FHAD1: variants seen among roughly 807,000 people sequenced by gnomAD.
FHAD1 encodes forkhead associated phosphopeptide binding domain 1, also known as forkhead-associated domain-containing protein 1.
Under a neutral mutation model 191.3 loss-of-function variants are expected in FHAD1, and 146 were observed. The observed-to-expected ratio is 0.76, with a 90% CI of 0.67 to 0.88. The LOEUF (loss-of-function observed/expected upper bound fraction) is 0.88, where lower values mean the gene tolerates loss of function less well. Among genes scored for constraint, FHAD1 ranks in the 40% least tolerant of loss-of-function variants. FHAD1 has a pLI of 0.00. For missense variants in FHAD1, 1,635 were observed against 1,785.8 expected, an observed-to-expected ratio of 0.92 and a Z score of 1.52; for synonymous variants, 616 against 672.3, an observed-to-expected ratio of 0.92 and a Z score of 1.29.
At chr1:15,353,704 C>CAAAAAAAAAAAAAAAAAA (rs60518389) in intron 20 of FHAD1, among the ~76,000 whole-genome samples, 68 of 60,966 alleles carry the variant, frequency 1.1e-3, no homozygotes, top group Admixed American at 1.8e-3. Flanking sequence ...GACTCCATCT[C>CAAAAAAAAAAAAAAAAAA]AAAAAAAAAA....
chr1:15,284,575 C>T (rs1661736883), intron 3 of FHAD1, among the ~76,000 whole-genome samples: 1 of 152,084 alleles, frequency 6.6e-6, no homozygotes, highest in Admixed American at 6.6e-5. Flanking sequence ...TCCAGGGCTT[C>T]CTGGAAGAAT....
At chr1:15,314,620 GGT>G (rs1673438712) in intron 8 of FHAD1, 1 of 150,392 alleles carries the variant, frequency 6.6e-6, no homozygotes, top group Non-Finnish European at 1.5e-5. Flanking sequence ...TGTGGGTGTG[GGT>G]GTGAGGATGT....
At chr1:15,262,337 T>C (rs189315880) in intron 2 of FHAD1, among the ~76,000 whole-genome samples, 1 of 152,326 alleles carries the variant, frequency 6.6e-6, no homozygotes, top group East Asian at 1.9e-4. Flanking sequence ...TCATTTATTC[T>C]TCACCACAAA....
In FHAD1 at chr1:15,316,002, G is replaced by A. The variant is rs1168763772; in HGVS notation, c.1171-376G>A. Among the ~76,000 whole-genome samples the A allele has an allele frequency of 6.6e-6, 1 of 152,238 alleles. No homozygotes were observed. Among genetic ancestry groups the A allele is most frequent in the African/African-American group, 2.4e-5 (1 of 41,464 alleles). ...TCACCGCCGCTCCCAGGGCAGTGGT[G>A]TCTTGGAGGAGTGAATTGCATGAAG... On this transcript the variant is annotated intron_variant, in intron 8 of 33. Coordinates refer to ENST00000688493, the MANE Select transcript of FHAD1 (RefSeq NM_001391957.1). The surrounding 1 kb of genome is among the most constrained non-coding windows in gnomAD (Gnocchi z 4.3).
chr1:15,344,484 T>G (rs78596193), intron 16 of FHAD1, among the ~76,000 whole-genome samples: 3,762 of 152,326 alleles, frequency 0.025, 155 homozygotes, highest in African/African-American at 0.08. Flanking sequence ...TATTTTCAGT[T>G]TTGCAGGTCA....
In FHAD1 at chr1:15,327,013, CG is replaced by C; in HGVS notation, c.1474-44del. 7.7e-7 allele frequency: 1 copy of C among 1,298,602 alleles called. No homozygotes were observed. The highest frequency in any genetic ancestry group is 1.1e-6 in the Non-Finnish European group (1 of 918,738). 80.4% of individuals were successfully genotyped at this position (1,298,602 alleles called of 1,614,324 possible). A position where few individuals can be genotyped will look rare whatever the true frequency, so the allele number is the denominator to read the frequency against. ...CCATGGAAACGCTGCCCCCACTTGCCGGCCCCTGCTGACCCCCTGACACTGT... is the reference window on the plus strand; with the variant it reads ...CCATGGAAACGCTGCCCCCACTTGCCGCCCCTGCTGACCCCCTGACACTGT... On this transcript the variant is annotated intron_variant, in intron 11 of 33. Coordinates refer to ENST00000688493, the MANE Select transcript of FHAD1 (RefSeq NM_001391957.1). This position sits in a 1 kb window ranked among gnomAD's most constrained non-coding sequence, Gnocchi z 5.1.
chr1:15,367,951 CTGTTTTGTTGTTGTTGTTGTT>C (rs1332722935), intron 25 of FHAD1, among the ~76,000 whole-genome samples: 1 of 152,092 alleles, frequency 6.6e-6, no homozygotes, highest in East Asian at 1.9e-4. Flanking sequence ...CTACCTTTGC[CTGTTTTGTTGTTGTTGTTGTT>C]TGTTTGTTTT....
chr1:15,359,537 A>AT (rs760023661), intron 21 of FHAD1, among the ~76,000 whole-genome samples: 1 of 152,044 alleles, frequency 6.6e-6, no homozygotes, highest in African/African-American at 2.4e-5. Context: ...GTCATTAGTA[A>AT]TTTTTTGTTT....
intron 2 of FHAD1, among the ~76,000 whole-genome samples, chr1:15,268,100 T>C (rs1303163681): frequency 6.6e-6 from 1 of 150,412 alleles, no homozygotes; most frequent in Non-Finnish European, 1.5e-5. Context: ...ACCCATTAAC[T>C]CGTCATTTAG....
At chr1:15,367,748 T>C (rs948318389) in intron 25 of FHAD1, 126 bp downstream of exon 25, 11 of 793,756 alleles carry the variant, frequency 1.4e-5, no homozygotes, top group South Asian at 1.2e-4. Flanking sequence ...ATGTGTTTCA[T>C]GGCTTGGCTT....
At position 15,369,363 on chromosome 1, in the gene FHAD1, A is replaced by G; in HGVS notation, c.3315-7A>G. ...ACCTCGTGCCATCCTCCTCTTCTCT[A>G]CCCTAGGGCTTCCCAAGAGAAACAC... On this transcript the variant is annotated splice_region_variant and splice_polypyrimidine_tract_variant and intron_variant, in intron 25 of 33. Transcript: ENST00000688493. The G allele has an allele frequency of 1.3e-6, 2 of 1,551,962 alleles. No homozygotes were observed. The highest frequency in any genetic ancestry group is 1.7e-6 in the Non-Finnish European group (2 of 1,147,038).
At chr1:15,386,196 G>C (rs1702048856) in intron 31 of FHAD1, among the ~76,000 whole-genome samples, 1 of 152,340 alleles carries the variant, frequency 6.6e-6, no homozygotes, top group African/African-American at 2.4e-5. Context: ...ATGGTGTGAT[G>C]CCAGCAGAGC....
rs567687211 is a variant in FHAD1 at position 15,316,383 on chromosome 1, G to A, written c.1176G>A (p.Ser392=). 110 of 1,551,626 alleles carry A rather than the reference G, an allele frequency of 7.1e-5. No homozygotes were observed. The highest frequency in any genetic ancestry group is 1.7e-4 in the Middle Eastern group (1 of 5,936). ...TGTTGCCCTTTTCTCCACAGTGCTC[G>A]GTGCTAAAGGAAGAGTTAAAACAGG... ...HQLEALGSRC[S]VLKEELKQED... Residue 392 remains serine (S), a synonymous_variant, in exon 9 of 34, where the codon TCG becomes TCA. Coordinates refer to ENST00000688493, the MANE Select transcript of FHAD1 (RefSeq NM_001391957.1). This position sits in a 1 kb window ranked among gnomAD's most constrained non-coding sequence, Gnocchi z 4.3.
At chr1:15,331,955 A>G (rs868768638) in intron 14 of FHAD1, among the ~76,000 whole-genome samples, 21 of 152,130 alleles carry the variant, frequency 1.4e-4, no homozygotes, top group Middle Eastern at 3.4e-3. Flanking sequence ...AACATTTTGA[A>G]GCTTGTTGCT....
intron 4 of FHAD1, among the ~76,000 whole-genome samples, chr1:15,292,735 C>T (rs1473321975): frequency 1.3e-5 from 2 of 152,124 alleles, no homozygotes; most frequent in East Asian, 3.9e-4. Context: ...CGTCTGCAAG[C>T]CAAGAAGAGA....
At chr1:15,281,922 C>CTATATT (rs1557994686) in intron 3 of FHAD1, among the ~76,000 whole-genome samples, 1 of 152,002 alleles carries the variant, frequency 6.6e-6, no homozygotes, top group African/African-American at 2.4e-5. Flanking sequence ...GTATCTATAT[C>CTATATT]AGTACGGACT....
At chr1:15,367,697 G>A in intron 25 of FHAD1, 75 bp downstream of exon 25, 1 of 1,222,394 alleles carries the variant, frequency 8.2e-7, no homozygotes, top group Non-Finnish European at 1.1e-6. Flanking sequence ...CAGAGAGAGG[G>A]CTCAGTACAT....
intron 1 of FHAD1, among the ~76,000 whole-genome samples, chr1:15,248,048 A>G (rs1261355100): frequency 3.4e-5 from 5 of 147,860 alleles, no homozygotes; most frequent in Non-Finnish European, 2.9e-5. Context: ...CTAAAGAAAT[A>G]GACTTTTTTT....
chr1:15,350,786 G>A (rs1690586276), intron 19 of FHAD1, among the ~76,000 whole-genome samples: 2 of 152,156 alleles, frequency 1.3e-5, no homozygotes, highest in Non-Finnish European at 2.9e-5. Flanking sequence ...AGGTGGGGTG[G>A]GCAGTTGAGT....
Sources: allele counts gnomAD v4.1 joint callset (sites outside exome capture counted in the v4.1 genomes callset), GRCh38; gene constraint gnomAD v4.1.1; non-coding constraint Gnocchi (gnomAD v3.1); transcripts MANE v1.5; gene names NCBI Gene and HGNC (gene_info 2026-07-23, HGNC 2026-07-21).